Variants in DEFB118 observed in about 807,000 individuals in gnomAD.
DEFB118 encodes defensin, beta 18.
In DEFB118, 3 loss-of-function variants were observed where a neutral mutation model predicts 2.8. The observed-to-expected ratio is 1.09, with a 90% CI of 0.50 to 2.82. The LOEUF (loss-of-function observed/expected upper bound fraction) is 2.82, where lower values mean the gene tolerates loss of function less well. DEFB118 is among the 30% of genes most tolerant of loss of function. DEFB118 has a pLI of 0.04. For missense variants in DEFB118, 159 were observed against 144.6 expected (o/e 1.10, Z -0.51); for synonymous variants, 63 against 53.5 (o/e 1.18, Z -0.78).
chr20:31,369,658 G>A (rs1247049522), intron 1 of DEFB118, among the ~76,000 whole-genome samples: 1 of 151,956 alleles, frequency 6.6e-6, no homozygotes, highest in Non-Finnish European at 1.5e-5. Context: ...CCAAAGTGCT[G>A]GGATTACAGG....
intron 1 of DEFB118, among the ~76,000 whole-genome samples, chr20:31,370,271 T>C (rs548774199): frequency 6.6e-6 from 1 of 152,222 alleles, no homozygotes; most frequent in Non-Finnish European, 1.5e-5. Context: ...TTGCCAACTC[T>C]GGGGGTTTTT....
At position 31,373,013 on chromosome 20, in the gene DEFB118, C is replaced by T. The variant is rs1280887460; in HGVS notation, c.215C>T (p.Pro72Leu). ...CGAGTTCCTGCGACATCTCCCACAC[C>T]CTTGAGTGACTCAACACCAGGAATT... Reference protein sequence around the residue: ...HRRVPATSPTPLSDSTPGIID... With the variant: ...HRRVPATSPTLLSDSTPGIID... The change falls in exon 2 of 2, where the codon CCC (proline) becomes CTC (leucine). Residue 72 changes from proline to leucine, a missense_variant. Physicochemically the swap from Pro to Leu is moderately conservative, Grantham distance 98. Coordinates refer to ENST00000253381, the MANE Select transcript of DEFB118 (RefSeq NM_054112.3). 6.2e-7 allele frequency: 1 copy of T among 1,614,062 alleles called. No individual in the cohort carries two copies. The highest frequency in any genetic ancestry group is 1.3e-5 in the African/African-American group (1 of 74,914).
chr20:31,373,199 C>G lies in DEFB118; in HGVS notation c.*29C>G, dbSNP rs1986247357. 1.3e-6 allele frequency: 2 copies of G among 1,593,840 alleles called. No homozygotes were observed. The highest frequency in any genetic ancestry group is 2.2e-5 in the South Asian group (2 of 88,966). On this transcript the variant is annotated 3_prime_UTR_variant, in exon 2 of 2. Coordinates refer to ENST00000253381, the MANE Select transcript of DEFB118 (RefSeq NM_054112.3). ...CCTCTCGGCTATCACTCACCCCTGT[C>G]CTCAGAGTGATAAACTAAGTCACAT...
chr20:31,372,692 G>T (rs531507055), intron 1 of DEFB118, among the ~76,000 whole-genome samples, 165 bp from the exon 2 acceptor site: 1 of 152,242 alleles, frequency 6.6e-6, no homozygotes, highest in East Asian at 1.9e-4. Context: ...GTTAAAAATT[G>T]ACAAATGGGA....
Position 31,372,999 on chromosome 20 carries a change from G to C in DEFB118, c.201G>C (p.Ala67=). Residue 67 remains alanine (A), a synonymous_variant, in exon 2 of 2, where the codon GCG becomes GCC. Transcript: ENST00000253381. Reference sequence around the variant, plus strand: ...ATGAAGACCACAGGCGAGTTCCTGCGACATCTCCCACACCCTTGAGTGACT... The same window carrying C: ...ATGAAGACCACAGGCGAGTTCCTGCCACATCTCCCACACCCTTGAGTGACT... ...PSNEDHRRVP[A]TSPTPLSDST... 3 of 1,614,136 alleles carry C rather than the reference G, an allele frequency of 1.9e-6. No individual in the cohort carries two copies. The highest frequency in any genetic ancestry group is 2.5e-6 in the Non-Finnish European group (3 of 1,180,024).
rs548448570 is a variant in DEFB118 at position 31,373,105 on chromosome 20, G to T, written c.307G>T (p.Val103Phe). ...YFEVSSKKDM[V>F]EESEAGRGTE... The stretch of plus-strand genomic sequence containing the variant: ...TGAAGTAAGCAGCAAGAAAGATATG[G>T]TTGAAGAGTCTGAGGCGGGAAGGGG... Residue 103 changes from valine (V) to phenylalanine (F), a missense_variant, in exon 2 of 2, where the codon GTT becomes TTT. Coordinates refer to ENST00000253381, the MANE Select transcript of DEFB118 (RefSeq NM_054112.3). 2.5e-6 allele frequency: 4 copies of T among 1,614,150 alleles called. No individual in the cohort carries two copies. The highest frequency in any genetic ancestry group is 3.4e-6 in the Non-Finnish European group (4 of 1,180,038).
At position 31,369,387 on chromosome 20, in the gene DEFB118, T is replaced by G. The variant is rs1019925496; in HGVS notation, c.58+679T>G. Reference sequence around the variant, plus strand: ...GCATGGCTATGCAGCACTCTTGTGTTTTTTTTTTTTTTTTTTTTTGAAGAT... The same window carrying G: ...GCATGGCTATGCAGCACTCTTGTGTGTTTTTTTTTTTTTTTTTTTGAAGAT... On this transcript the variant is annotated intron_variant, in intron 1 of 1. Transcript: ENST00000253381. 7.3e-5 allele frequency among the ~76,000 whole-genome samples: 7 copies of G among 95,710 alleles called. No homozygotes were observed. The South Asian group carries it at 1.7e-3, about 23-fold the overall frequency. 62.8% of individuals were successfully genotyped at this position (95,710 alleles called of 152,430 possible). A position where few individuals can be genotyped will look rare whatever the true frequency, so the allele number is the denominator to read the frequency against.
intron 1 of DEFB118, 133 bp downstream of exon 1, chr20:31,368,841 G>A: frequency 1.2e-6 from 1 of 829,356 alleles, no homozygotes; most frequent in Non-Finnish European, 2.0e-6. Flanking sequence ...CTCCTGGCTG[G>A]GGTAAAACCT....
chr20:31,370,557 A>G (rs943868370), intron 1 of DEFB118, among the ~76,000 whole-genome samples: 4 of 152,220 alleles, frequency 2.6e-5, no homozygotes, highest in Non-Finnish European at 4.4e-5. Context: ...TGAAAGAAGC[A>G]TAAAGTCTTG....
At chr20:31,369,022 CTA>C (rs1450138408) in intron 1 of DEFB118, among the ~76,000 whole-genome samples, 1 of 152,184 alleles carries the variant, frequency 6.6e-6, no homozygotes, top group Admixed American at 6.5e-5. Flanking sequence ...GCCCACTTTG[CTA>C]TGTTTTCTTG....
rs752020445 is a variant in DEFB118, at chr20:31,368,640, TCC to T, written c.-9_-8del. ...ACTCCTGGATCTACCACCTCCTGCT[TCC>T]CAAGGACCATGAAACTCCTGCTGCT... On this transcript the variant is annotated 5_prime_UTR_variant, in exon 1 of 2. Coordinates refer to ENST00000253381, the MANE Select transcript of DEFB118 (RefSeq NM_054112.3). 8.7e-6 allele frequency: 14 copies of T among 1,613,718 alleles called. No homozygotes were observed. The highest frequency in any genetic ancestry group is 1.0e-5 in the Non-Finnish European group (12 of 1,179,700).
At position 31,372,979 on chromosome 20, in the gene DEFB118, G is replaced by A; in HGVS notation, c.181G>A (p.Asp61Asn). ...LRACCIPSNEDHRRVPATSPT... is the reference protein window; with the variant it reads ...LRACCIPSNENHRRVPATSPT... Reference sequence around the variant, plus strand: ...AGCTTGCTGCATTCCATCCAATGAAGACCACAGGCGAGTTCCTGCGACATC... The same window carrying A: ...AGCTTGCTGCATTCCATCCAATGAAAACCACAGGCGAGTTCCTGCGACATC... Residue 61 changes from aspartate (D) to asparagine (N), a missense_variant, in exon 2 of 2, where the codon GAC becomes AAC. Physicochemically the swap from Asp to Asn is conservative, Grantham distance 23. Coordinates refer to ENST00000253381, the MANE Select transcript of DEFB118 (RefSeq NM_054112.3). 6.2e-7 allele frequency: 1 copy of A among 1,614,172 alleles called. No individual in the cohort carries two copies.
At position 31,368,644 on chromosome 20, in the gene DEFB118, A is replaced by T. The variant is rs760250839; in HGVS notation, c.-7A>T. ...CTGGATCTACCACCTCCTGCTTCCC[A>T]AGGACCATGAAACTCCTGCTGCTGG... On this transcript the variant is annotated 5_prime_UTR_variant, in exon 1 of 2. Transcript: ENST00000253381. The T allele has an allele frequency of 1.2e-6, 2 of 1,613,522 alleles. No individual in the cohort carries two copies. The highest frequency in any genetic ancestry group is 2.7e-5 in the African/African-American group (2 of 74,878).
At chr20:31,371,749 G>T (rs1986214058) in intron 1 of DEFB118, among the ~76,000 whole-genome samples, 1 of 152,240 alleles carries the variant, frequency 6.6e-6, no homozygotes, top group African/African-American at 2.4e-5. Context: ...TGGATGAATT[G>T]TATAGTGGTG....
At chr20:31,369,135 G>C (rs1019872530) in intron 1 of DEFB118, among the ~76,000 whole-genome samples, 2 of 152,116 alleles carry the variant, frequency 1.3e-5, no homozygotes, top group African/African-American at 4.8e-5. Flanking sequence ...GCTGTTACAC[G>C]GAAGACAGAA....
chr20:31,370,813 C>A (rs967339443), intron 1 of DEFB118, among the ~76,000 whole-genome samples: 5 of 152,096 alleles, frequency 3.3e-5, no homozygotes, highest in African/African-American at 1.2e-4. Flanking sequence ...TGCAATGGCG[C>A]GATCTCAGCT....
At chr20:31,372,766 T>A (rs1056223719) in intron 1 of DEFB118, 91 bp from the exon 2 acceptor site, 1 of 974,672 alleles carries the variant, frequency 1.0e-6, no homozygotes, top group African/African-American at 1.6e-5. Flanking sequence ...TGATCCACAG[T>A]GTGGATATAG....
intron 1 of DEFB118, among the ~76,000 whole-genome samples, chr20:31,369,829 C>T (rs758219295): frequency 1.3e-5 from 2 of 152,206 alleles, no homozygotes; most frequent in Admixed American, 6.5e-5. Flanking sequence ...CCATTTGAGA[C>T]ATTTCTTAAT....
chr20:31,373,170 A>G lies in DEFB118; in HGVS notation c.372A>G (p.Ter124TrpextTer13). 6.2e-7 allele frequency: 1 copy of G among 1,611,628 alleles called. No homozygotes were observed. The highest frequency in any genetic ancestry group is 8.5e-7 in the Non-Finnish European group (1 of 1,178,788). The change falls in exon 2 of 2, where the codon TGA (stop) becomes TGG (tryptophan). Residue 124 changes from the stop codon to tryptophan (W), a stop_lost. Transcript: ENST00000253381. The part of the protein sequence containing the change: ...TSLPNVHHSS[*>W] Reference sequence around the variant, plus strand: ...TTCCAAATGTTCACCATAGCTCATGACTTCCTCTCGGCTATCACTCACCCC... The same window carrying G: ...TTCCAAATGTTCACCATAGCTCATGGCTTCCTCTCGGCTATCACTCACCCC...
Sources: allele counts gnomAD v4.1 joint callset (sites outside exome capture counted in the v4.1 genomes callset), GRCh38; gene constraint gnomAD v4.1.1; transcripts MANE v1.5; gene names NCBI Gene and HGNC (gene_info 2026-07-23, HGNC 2026-07-21).